Variants in TMEM47 observed in about 807,000 individuals in gnomAD.
The protein encoded by TMEM47 is brain cell membrane protein 1.
Under a neutral mutation model 12.4 loss-of-function variants are expected in TMEM47, and 3 were observed. The observed-to-expected ratio is 0.24, with a 90% CI of 0.11 to 0.63. TMEM47 has a LOEUF of 0.63. Ranked by LOEUF, TMEM47 falls within the 20% of genes least tolerant of loss-of-function variation. The pLI is 0.86. For missense variants in TMEM47, 89 were observed against 143.8 expected, an observed-to-expected ratio of 0.62 and a Z score of 1.95; for synonymous variants, 62 against 63.3, an observed-to-expected ratio of 0.98 and a Z score of 0.10.
chrX:34,646,565 T>C (rs1381603625), intron 1 of TMEM47, among the ~76,000 whole-genome samples: 1 of 111,997 alleles, frequency 8.9e-6, no homozygotes, highest in Admixed American at 9.5e-5. Context: ...TGTGATGACT[T>C]TGGTATTTTG....
chrX:34,630,426 T>C lies in TMEM47; in HGVS notation c.433A>G (p.Ile145Val). The C allele has an allele frequency of 4.1e-6, 5 of 1,210,665 alleles. No homozygotes were observed. The highest frequency in any genetic ancestry group is 5.6e-6 in the Non-Finnish European group (5 of 894,964). The change falls in exon 3 of 3, where the codon ATT becomes GTT. Residue 145 changes from isoleucine (I) to valine (V), a missense_variant. Coordinates refer to ENST00000275954, the MANE Select transcript of TMEM47 (RefSeq NM_031442.4). Reference sequence around the variant, plus strand: ...TAACCCCAGTTGAACTCATGGTAAATTTTCAAGCTCACAGTTTCAATGAAC... The same window carrying C: ...TAACCCCAGTTGAACTCATGGTAAACTTTCAAGCTCACAGTTTCAATGAAC... ...IKFIETVSLK[I>V]YHEFNWGYGL...
At chrX:34,641,206 A>G (rs940174705) in intron 1 of TMEM47, among the ~76,000 whole-genome samples, 1 of 111,516 alleles carries the variant, frequency 9.0e-6, no homozygotes, top group Admixed American at 9.5e-5. Context: ...CCTTCTAAAA[A>G]CAGGTGTGTA....
At chrX:34,634,150 A>G in intron 2 of TMEM47, among the ~76,000 whole-genome samples, 1 of 111,501 alleles carries the variant, frequency 9.0e-6, no homozygotes, top group Non-Finnish European at 1.9e-5. Context: ...ATGAAACAAA[A>G]TAGGCATTGG....
chrX:34,642,743 A>G (rs775376141), intron 1 of TMEM47, among the ~76,000 whole-genome samples: 2 of 112,104 alleles, frequency 1.8e-5, no homozygotes, highest in South Asian at 7.5e-4. Context: ...CAGAAAAGCT[A>G]TTTTATTTTC....
intron 1 of TMEM47, among the ~76,000 whole-genome samples, chrX:34,650,948 C>T (rs1002681706): frequency 2.7e-5 from 3 of 110,451 alleles, no homozygotes; most frequent in African/African-American, 1.0e-4. Flanking sequence ...ATTCAAAGTT[C>T]TTAAGTACAG....
intron 2 of TMEM47, among the ~76,000 whole-genome samples, chrX:34,638,140 G>T (rs901666961): frequency 2.7e-5 from 3 of 111,876 alleles, no homozygotes; most frequent in African/African-American, 6.5e-5. Flanking sequence ...GCATAAATAA[G>T]TGAGGAAGTC....
In TMEM47 at chrX:34,657,012, G is replaced by A. The variant is rs1009863872; in HGVS notation, c.18C>T (p.Ser6=). The A allele has an allele frequency of 1.7e-6, 2 of 1,149,780 alleles. No homozygotes were observed. The highest frequency in any genetic ancestry group is 3.6e-5 in the African/African-American group (2 of 55,278). The allele number at this position is 1,149,780 out of a possible 1,213,427, so 94.8% of individuals were successfully genotyped here. Residue 6 remains serine, a synonymous_variant, in exon 1 of 3, where the codon AGC becomes AGT. Coordinates refer to ENST00000275954, the MANE Select transcript of TMEM47 (RefSeq NM_031442.4). ...CCGACACGCGCACCTCCTCCATGCC[G>A]CTGCCCGCCGAAGCCATTCCTGGGC... MASAG[S]GMEEVRVSVL...
chrX:34,641,189 T>C (rs1921811174), intron 1 of TMEM47, among the ~76,000 whole-genome samples: 1 of 111,279 alleles, frequency 9.0e-6, no homozygotes. Context: ...TTTGGCATGA[T>C]GGAAATCCTT....
At chrX:34,646,929 T>G (rs916287976) in intron 1 of TMEM47, among the ~76,000 whole-genome samples, 1 of 111,697 alleles carries the variant, frequency 9.0e-6, no homozygotes, top group Non-Finnish European at 1.9e-5. Flanking sequence ...TATTTAATTA[T>G]TAATAATTTG....
At chrX:34,648,781 T>C (rs951908417) in intron 1 of TMEM47, among the ~76,000 whole-genome samples, 1 of 111,974 alleles carries the variant, frequency 8.9e-6, no homozygotes, top group African/African-American at 3.2e-5. Flanking sequence ...AGACAAAATA[T>C]TTGCAAGCTA....
chrX:34,645,911 T>C (rs754907974), intron 1 of TMEM47, among the ~76,000 whole-genome samples: 68 of 111,883 alleles, frequency 6.1e-4, no homozygotes, highest in South Asian at 1.8e-3. Context: ...TAGATATCCA[T>C]AGTAGTAATC....
In TMEM47 at chrX:34,627,401, T is replaced by C. The variant is rs1015714863; in HGVS notation, c.*2912A>G. The C allele has an allele frequency of 8.9e-6, 1 of 112,246 alleles. No individual in the cohort carries two copies. Among genetic ancestry groups the C allele is most frequent in the African/African-American group, 3.2e-5 (1 of 30,846 alleles). 9.3% of individuals were successfully genotyped at this position (112,246 alleles called of 1,213,427 possible). ...AGGCATTAAAGAGGACACAGAGGCA[T>C]AGGTTAGAGTGCACTGCTCTGTACA... On this transcript the variant is annotated 3_prime_UTR_variant, in exon 3 of 3. Coordinates refer to ENST00000275954, the MANE Select transcript of TMEM47 (RefSeq NM_031442.4).
In TMEM47 at chrX:34,634,795, C is replaced by T. The variant is rs200692119; in HGVS notation, c.368-4304G>A. Among the ~76,000 whole-genome samples the T allele has an allele frequency of 2.4e-3, 266 of 111,777 alleles. 8 individuals are homozygous for T. The highest frequency in any genetic ancestry group is 2.5e-3 in the Non-Finnish European group (133 of 53,120). The stretch of plus-strand genomic sequence containing the variant: ...AGAAAAGACGTCTAGGAAGACAAAG[C>T]ATATTCTATAGTGCTTACAGCTATT... On this transcript the variant is annotated intron_variant, in intron 2 of 2. Transcript: ENST00000275954.
chrX:34,632,746 C>T (rs755700331), intron 2 of TMEM47, among the ~76,000 whole-genome samples: 1 of 111,596 alleles, frequency 9.0e-6, no homozygotes, highest in African/African-American at 3.3e-5. Flanking sequence ...TAGGACTCAG[C>T]TGACGGCATA....
chrX:34,638,954 CTG>C (rs1411085100), intron 2 of TMEM47, among the ~76,000 whole-genome samples: 1 of 111,763 alleles, frequency 8.9e-6, no homozygotes, highest in Non-Finnish European at 1.9e-5. Flanking sequence ...ATGTAAAAGA[CTG>C]TTAGTAAATA....
intron 1 of TMEM47, among the ~76,000 whole-genome samples, chrX:34,656,441 GCTT>G (rs1002251517): frequency 1.2e-4 from 13 of 110,128 alleles, no homozygotes; most frequent in African/African-American, 4.3e-4. Context: ...GTTTTTGCCT[GCTT>G]CTTTTTTAAC....
intron 2 of TMEM47, among the ~76,000 whole-genome samples, chrX:34,637,140 A>C (rs554615277): frequency 1.8e-5 from 2 of 111,719 alleles, no homozygotes; most frequent in African/African-American, 6.5e-5. Context: ...TGCTTAATTA[A>C]TCATTCTTAT....
rs1206804194 is a variant in TMEM47, at chrX:34,628,257, T to G, written c.*2056A>C. The G allele has an allele frequency of 8.9e-6, 1 of 111,848 alleles. No individual in the cohort carries two copies. The highest frequency in any genetic ancestry group is 1.9e-5 in the Non-Finnish European group (1 of 53,024). 9.2% of individuals were successfully genotyped at this position (111,848 alleles called of 1,213,427 possible). The stretch of plus-strand genomic sequence containing the variant: ...GAAATCCCTATCCAAATATCATATT[T>G]CTCATGCTGCTCTGACAATATGCAA... On this transcript the variant is annotated 3_prime_UTR_variant, in exon 3 of 3. Coordinates refer to ENST00000275954, the MANE Select transcript of TMEM47 (RefSeq NM_031442.4).
intron 1 of TMEM47, among the ~76,000 whole-genome samples, chrX:34,639,927 G>A (rs1279789675): frequency 9.0e-6 from 1 of 111,209 alleles, no homozygotes; most frequent in African/African-American, 3.3e-5. Context: ...TCATATAAAT[G>A]GTATGAACTA....
Sources: allele counts gnomAD v4.1 joint callset (sites outside exome capture counted in the v4.1 genomes callset), GRCh38; gene constraint gnomAD v4.1.1; transcripts MANE v1.5; gene names NCBI Gene and HGNC (gene_info 2026-07-23, HGNC 2026-07-21).